The following CFAP47 variants were observed in gnomAD, a reference collection of about 807,000 sequenced individuals.
CFAP47 encodes cilia- and flagella-associated protein 47.
CFAP47 carries 29 observed loss-of-function variants against 148.1 expected under a neutral mutation model. The ratio of observed to expected loss-of-function variants is 0.20; its 90% CI spans 0.15 to 0.27. CFAP47 has a LOEUF of 0.27. Ranked by LOEUF, CFAP47 falls within the 10% of genes least tolerant of loss-of-function variation. The pLI is 1.00. For synonymous variants in CFAP47, 664 were observed against 577.3 expected, an observed-to-expected ratio of 1.15 and a Z score of -2.15; for missense variants, 1,872 against 1,697.5, an observed-to-expected ratio of 1.10 and a Z score of -1.81.
intron 11 of CFAP47, 45 bp from the exon 12 acceptor site, chrX:35,971,541 T>G (rs761006968): frequency 1.1e-6 from 1 of 876,585 alleles, no homozygotes; most frequent in South Asian, 3.1e-5. Flanking sequence ...ATTTTTTGAA[T>G]GACTTGACCT....
chrX:36,130,270 A>C (rs1938923244), intron 33 of CFAP47, among the ~76,000 whole-genome samples: 1 of 111,616 alleles, frequency 9.0e-6, no homozygotes, highest in African/African-American at 3.3e-5. Flanking sequence ...AAAAAATTTG[A>C]ATAGATATTT....
intron 50 of CFAP47, among the ~76,000 whole-genome samples, chrX:36,282,093 A>G (rs1437798230): frequency 9.0e-6 from 1 of 111,569 alleles, no homozygotes; most frequent in Non-Finnish European, 1.9e-5. Context: ...AACACTTAGC[A>G]AAGTTTTGTA....
At chrX:36,001,755 C>T (rs999403995) in intron 21 of CFAP47, 48 bp downstream of exon 21, 9 of 278,974 alleles carry the variant, frequency 3.2e-5, no homozygotes, top group East Asian at 5.0e-5. Context: ...ATGGGTATTC[C>T]GAACCAAAAA....
At chrX:35,979,819 A>G (rs1222938042) in intron 15 of CFAP47, among the ~76,000 whole-genome samples, 5 of 112,011 alleles carry the variant, frequency 4.5e-5, no homozygotes, top group Admixed American at 1.9e-4. Context: ...AGATTTTACC[A>G]TGGCAGCCGT....
chrX:36,240,469 G>A (rs1013017062), intron 48 of CFAP47, among the ~76,000 whole-genome samples: 3 of 111,286 alleles, frequency 2.7e-5, no homozygotes, highest in African/African-American at 9.8e-5. Context: ...CAACATTCTG[G>A]TGTTGACGAG....
intron 57 of CFAP47, among the ~76,000 whole-genome samples, chrX:36,338,706 T>C (rs1256725808): frequency 8.9e-6 from 1 of 112,146 alleles, no homozygotes; most frequent in Non-Finnish European, 1.9e-5. Context: ...TGGGATCTCA[T>C]TTATTCACAC....
intron 57 of CFAP47, among the ~76,000 whole-genome samples, chrX:36,338,035 A>AT (rs1209274928): frequency 0.032 from 1,489 of 46,560 alleles, 56 homozygotes; most frequent in East Asian, 0.04. Flanking sequence ...ACGCCTGGCT[A>AT]TTTTTTTTTT....
intron 45 of CFAP47, among the ~76,000 whole-genome samples, chrX:36,220,026 C>A (rs188261737): frequency 6.6e-4 from 73 of 111,416 alleles, no homozygotes; most frequent in African/African-American, 2.3e-3. Context: ...GTAAAACCAA[C>A]GTGGAAATCC....
At chrX:36,359,565 A>G (rs1435344127) in intron 60 of CFAP47, among the ~76,000 whole-genome samples, 1 of 111,368 alleles carries the variant, frequency 9.0e-6, no homozygotes, top group African/African-American at 3.3e-5. Context: ...ACAGTATTAC[A>G]TTATTCTGCA....
At chrX:35,982,997 G>A (rs1936666968) in intron 15 of CFAP47, among the ~76,000 whole-genome samples, 1 of 112,028 alleles carries the variant, frequency 8.9e-6, no homozygotes, top group Non-Finnish European at 1.9e-5. Context: ...TGTGAAGAAT[G>A]TCAGTGGTAG....
At chrX:36,042,880 T>A (rs886326879) in intron 25 of CFAP47, among the ~76,000 whole-genome samples, 2 of 111,433 alleles carry the variant, frequency 1.8e-5, no homozygotes, top group African/African-American at 6.5e-5. Context: ...GGAAGAAGAA[T>A]AAGATGGGAA....
intron 48 of CFAP47, among the ~76,000 whole-genome samples, chrX:36,245,785 T>G (rs1940608161): frequency 9.0e-6 from 1 of 111,444 alleles, no homozygotes; most frequent in African/African-American, 3.3e-5. Flanking sequence ...TCATCTGATC[T>G]TCAAAAAACC....
chrX:35,926,264 C>T lies in CFAP47; in HGVS notation c.401+96C>T, dbSNP rs1428691017. The T allele has an allele frequency of 5.9e-6, 4 of 674,360 alleles. No individual in the cohort carries two copies. In the African/African-American group the frequency reaches 8.9e-5, roughly 15 times the overall value. 55.6% of individuals were successfully genotyped at this position (674,360 alleles called of 1,213,427 possible). Reference sequence around the variant, plus strand: ...TTTTGTATTTTTTCTGACATAGTTTCCTGACAGTTGAACTTAAAGGACACA... The same window carrying T: ...TTTTGTATTTTTTCTGACATAGTTTTCTGACAGTTGAACTTAAAGGACACA... On this transcript the variant is annotated intron_variant, in intron 2 of 63. Coordinates refer to ENST00000378653, the MANE Select transcript of CFAP47 (RefSeq NM_001304548.2).
chrX:36,228,913 C>A, intron 46 of CFAP47, 89 bp downstream of exon 46: 1 of 451,427 alleles, frequency 2.2e-6, no homozygotes, highest in Non-Finnish European at 3.9e-6. Context: ...TGGACTATTA[C>A]AAATTTCTGA....
intron 49 of CFAP47, among the ~76,000 whole-genome samples, chrX:36,276,873 T>C (rs1007534407): frequency 3.3e-4 from 37 of 111,915 alleles, no homozygotes; most frequent in Non-Finnish European, 5.8e-4. Flanking sequence ...ATGGTGATCT[T>C]GAGTCTAGTA....
At chrX:35,970,995 C>T in intron 11 of CFAP47, 72 bp downstream of exon 11, 5 of 841,309 alleles carry the variant, frequency 5.9e-6, no homozygotes, top group Non-Finnish European at 6.7e-6. Context: ...TTTTTAACTC[C>T]TTGGTTTCTT....
chrX:36,338,130 G>A (rs1941624182), intron 57 of CFAP47, among the ~76,000 whole-genome samples: 1 of 98,546 alleles, frequency 1.0e-5, no homozygotes, highest in South Asian at 5.0e-4. Context: ...CTTGTGATCC[G>A]CCCACATCGG....
At chrX:36,035,321 T>A (rs1253467320) in intron 23 of CFAP47, among the ~76,000 whole-genome samples, 1 of 111,632 alleles carries the variant, frequency 9.0e-6, no homozygotes, top group Non-Finnish European at 1.9e-5. Flanking sequence ...CTCCCTACCC[T>A]AACTACATTC....
chrX:36,299,412 G>A (rs1269036681), intron 52 of CFAP47, among the ~76,000 whole-genome samples: 1 of 111,196 alleles, frequency 9.0e-6, no homozygotes, highest in Non-Finnish European at 1.9e-5. Context: ...TTTTTACTAA[G>A]TAAATCTTTA....
Sources: allele counts gnomAD v4.1 joint callset (sites outside exome capture counted in the v4.1 genomes callset), GRCh38; gene constraint gnomAD v4.1.1; transcripts MANE v1.5; gene names NCBI Gene and HGNC (gene_info 2026-07-23, HGNC 2026-07-21).